The following PPFIA1 variants were observed in gnomAD, a reference collection of about 807,000 sequenced individuals.
PPFIA1 encodes liprin-alpha-1.
PPFIA1 carries 25 observed loss-of-function variants against 149.9 expected under a neutral mutation model. The observed-to-expected ratio is 0.17, with a 90% confidence interval of 0.12 to 0.23. The LOEUF (loss-of-function observed/expected upper bound fraction) is 0.23. PPFIA1 is among the 10% of genes least tolerant of loss of function. The pLI is 1.00. For synonymous variants in PPFIA1, 549 were observed against 552.8 expected, an observed-to-expected ratio of 0.99 and a Z score of 0.10; for missense variants, 1,362 against 1,506.5, an observed-to-expected ratio of 0.90 and a Z score of 1.59.
intron 2 of PPFIA1, among the ~76,000 whole-genome samples, chr11:70,287,587 CCAA>C (rs1345858162): frequency 1.3e-5 from 2 of 151,822 alleles, no homozygotes. Flanking sequence ...CCTCAGCCTC[CCAA>C]AGTGTTGAGA....
At chr11:70,375,118 G>A in intron 24 of PPFIA1, 25 bp downstream of exon 24, 1 of 1,471,078 alleles carries the variant, frequency 6.8e-7, no homozygotes, top group East Asian at 2.7e-5. Flanking sequence ...GTCTGTGTCT[G>A]CACTCATTGT....
chr11:70,304,312 C>G (rs1044631337), intron 2 of PPFIA1, among the ~76,000 whole-genome samples: 5 of 152,062 alleles, frequency 3.3e-5, no homozygotes, highest in Admixed American at 1.3e-4. Flanking sequence ...CTGCTGTTCA[C>G]CTGGGTCCTT....
intron 2 of PPFIA1, among the ~76,000 whole-genome samples, chr11:70,301,519 T>A (rs1840984601): frequency 6.6e-6 from 1 of 152,140 alleles, no homozygotes; most frequent in Non-Finnish European, 1.5e-5. Flanking sequence ...TTGCTGAGAG[T>A]AAAATGTGAT....
chr11:70,364,904 G>A (rs2135271943), intron 21 of PPFIA1: 1 of 153,490 alleles, frequency 6.5e-6, no homozygotes, highest in Non-Finnish European at 1.5e-5. Flanking sequence ...GCTGCACAGA[G>A]CCATCGACAC....
chr11:70,379,800 T>G (rs995454320), intron 26 of PPFIA1, among the ~76,000 whole-genome samples: 1 of 152,238 alleles, frequency 6.6e-6, no homozygotes, highest in Admixed American at 6.5e-5. Flanking sequence ...GCTTACTTTG[T>G]GGCATTTTTA....
intron 21 of PPFIA1, among the ~76,000 whole-genome samples, chr11:70,368,635 A>C (rs1184792411): frequency 6.6e-6 from 1 of 152,192 alleles, no homozygotes; most frequent in Non-Finnish European, 1.5e-5. Context: ...TGCCACTGTA[A>C]ATGATACTTT....
At position 70,283,291 on chromosome 11, in the gene PPFIA1, A is replaced by C. The variant is rs141968789; in HGVS notation, c.264+10855A>C. Among the ~76,000 whole-genome samples, 304 of 152,302 alleles carry C rather than the reference A, an allele frequency of 2.0e-3. 1 individual carries two copies. Among genetic ancestry groups the C allele is most frequent in the African/African-American group, 7.0e-3 (290 of 41,572 alleles). On this transcript the variant is annotated intron_variant, in intron 2 of 27. Coordinates refer to ENST00000253925, the MANE Select transcript of PPFIA1 (RefSeq NM_003626.5). The stretch of plus-strand genomic sequence containing the variant: ...TTTACAGTCTTTTTGAAAGCAACAA[A>C]TGAGATTTTTAGAAGACCTCTTGCT...
intron 2 of PPFIA1, chr11:70,319,953 A>T (rs7932431): frequency 0.22 from 33,274 of 152,050 alleles, 5,556 homozygotes; most frequent in African/African-American, 0.46. Context: ...GATGGCTTCA[A>T]CTCAGCTCCC....
rs150101926 is a variant in PPFIA1, at chr11:70,372,216, C to T, written c.2867C>T (p.Thr956Ile). 138 of 1,601,536 alleles carry T rather than the reference C, an allele frequency of 8.6e-5. No individual in the cohort carries two copies. Among genetic ancestry groups the T allele is most frequent in the Non-Finnish European group, 1.2e-4 (138 of 1,174,768 alleles). The part of the protein sequence containing the change: ...SPSAPPTSRT[T>I]LAYGDMNHEW... ...ACCTTTTCCATTTATGAAAAGCAGA[C>T]ACTCGCCTATGGGGACATGAACCAC... is the stretch of plus-strand genomic sequence containing the variant. Residue 956 changes from threonine (T) to isoleucine (I), a missense_variant and splice_region_variant, in exon 22 of 28, where the codon ACA becomes ATA. This residue lies in a region of PPFIA1 where 349 missense variants were observed against 373.3 expected (regional missense o/e 0.93). Coordinates refer to ENST00000253925, the MANE Select transcript of PPFIA1 (RefSeq NM_003626.5).
chr11:70,324,308 A>AG, intron 2 of PPFIA1, 94 bp from the exon 3 acceptor site: 1 of 819,418 alleles, frequency 1.2e-6, no homozygotes. Flanking sequence ...ACTTGTAATG[A>AG]GGTTGCCTTT....
At chr11:70,288,772 C>G (rs2051323990) in intron 2 of PPFIA1, among the ~76,000 whole-genome samples, 1 of 152,094 alleles carries the variant, frequency 6.6e-6, no homozygotes, top group Admixed American at 6.6e-5. Context: ...GTCTTTTTGC[C>G]AAGACCCCAT....
chr11:70,343,732 G>T lies in PPFIA1; in HGVS notation c.1771G>T (p.Ala591Ser). ...GCAAGCTAGTGTCTTGGCAAATGTA[G>T]CACAAGCATTCGAGAGTGATGCTGA... is the stretch of plus-strand genomic sequence containing the variant. ...AQQASVLANV[A>S]QAFESDADVS... Residue 591 changes from alanine to serine, a missense_variant, in exon 15 of 28, where the codon GCA (alanine) becomes TCA (serine). Physicochemically the swap from Ala to Ser is moderately conservative, Grantham distance 99. Coordinates refer to ENST00000253925, the MANE Select transcript of PPFIA1 (RefSeq NM_003626.5). The T allele has an allele frequency of 6.2e-7, 1 of 1,614,256 alleles. No homozygotes were observed. The highest frequency in any genetic ancestry group is 8.5e-7 in the Non-Finnish European group (1 of 1,180,044).
rs529729652 is a variant in PPFIA1, at chr11:70,300,951, G to T, written c.265-23451G>T. On this transcript the variant is annotated intron_variant, in intron 2 of 27. Transcript: ENST00000253925. ...AAAGATACCCTGGGAGGTGAGGCCA[G>T]CATGATTCTCTCCATTTAAGGTCAT... 2.6e-5 allele frequency among the ~76,000 whole-genome samples: 4 copies of T among 152,338 alleles called. No homozygotes were observed. In the East Asian group the frequency reaches 7.7e-4, roughly 29 times the overall value.
At chr11:70,353,900 G>A (rs2056211224) in intron 16 of PPFIA1, among the ~76,000 whole-genome samples, 1 of 152,154 alleles carries the variant, frequency 6.6e-6, no homozygotes, top group Non-Finnish European at 1.5e-5. Flanking sequence ...TTTGTTACTG[G>A]CTCTTCATTA....
intron 2 of PPFIA1, among the ~76,000 whole-genome samples, chr11:70,304,285 C>G (rs933530366): frequency 6.6e-6 from 1 of 152,096 alleles, no homozygotes; most frequent in African/African-American, 2.4e-5. Context: ...CATACTTTGC[C>G]CTGTGCATCT....
chr11:70,375,989 G>GT (rs1304202277), intron 24 of PPFIA1, among the ~76,000 whole-genome samples: 3 of 150,568 alleles, frequency 2.0e-5, no homozygotes, highest in East Asian at 2.0e-4. Flanking sequence ...TGAGGGAGTT[G>GT]TTTTTTTGTT....
intron 21 of PPFIA1, chr11:70,371,739 T>G (rs2135381416): frequency 6.6e-6 from 1 of 152,424 alleles, no homozygotes; most frequent in East Asian, 1.9e-4. Context: ...TGGTTGTTGC[T>G]TTATCTCTTC....
At chr11:70,296,585 G>A (rs2052042258) in intron 2 of PPFIA1, among the ~76,000 whole-genome samples, 3 of 151,992 alleles carry the variant, frequency 2.0e-5, no homozygotes, top group Admixed American at 2.0e-4. Flanking sequence ...GGCAGGCTGA[G>A]GCAGGAGAAT....
At chr11:70,278,652 T>A (rs1212297359) in intron 2 of PPFIA1, among the ~76,000 whole-genome samples, 3 of 152,212 alleles carry the variant, frequency 2.0e-5, no homozygotes, top group African/African-American at 7.2e-5. Flanking sequence ...TCCAAACAGT[T>A]TTTTGAAAAC....
Sources: gnomAD v4.1 joint callset for allele counts (sites outside exome capture counted in the v4.1 genomes callset) on GRCh38, gnomAD v4.1.1 for gene constraint, gnomAD v4.1.1 regional missense constraint, MANE v1.5 for transcripts, NCBI Gene and HGNC (gene_info 2026-07-23, HGNC 2026-07-21) for gene names.